Variants in SUCLA2 observed in about 807,000 individuals in gnomAD.
SUCLA2 encodes succinate-CoA ligase ADP-forming subunit beta, also known as succinate--CoA ligase [ADP-forming] subunit beta, mitochondrial.
SUCLA2 carries 30 observed loss-of-function variants against 54.8 expected under a neutral mutation model. That is an observed-to-expected ratio of 0.55 (90% confidence interval 0.41 to 0.74). SUCLA2 has a LOEUF of 0.74. SUCLA2 is among the 30% of genes least tolerant of loss of function. SUCLA2 has a pLI of 0.00. For missense variants in SUCLA2, 476 were observed against 562.9 expected, an observed-to-expected ratio of 0.85 and a Z score of 1.56; for synonymous variants, 172 against 188.9, an observed-to-expected ratio of 0.91 and a Z score of 0.74.
Position 47,968,619 on chromosome 13 carries a change from T to C in SUCLA2, c.778A>G (p.Met260Val). ...CCAGCTCCATCTGAATCTTCCACCA[T>C]TGGATTTATTTCTATCATGGTTGCA... ...YDATMIEINP[M>V]VEDSDGAVLC... The change falls in exon 6 of 11, where the codon ATG becomes GTG. Residue 260 changes from methionine to valine, a missense_variant. Met to Val is a conservative substitution (Grantham distance 21). Around this residue, in one of 2 missense-constraint regions of SUCLA2, gnomAD observed 342 missense variants for 444.2 expected, o/e 0.77. Coordinates refer to ENST00000646932, the MANE Select transcript of SUCLA2 (RefSeq NM_003850.3). 1 of 1,611,764 alleles carries C rather than the reference T, an allele frequency of 6.2e-7. No homozygotes were observed. Among genetic ancestry groups the C allele is most frequent in the Non-Finnish European group, 8.5e-7 (1 of 1,179,750 alleles).
chr13:47,998,296 T>TAAAAAAAAAAAAAAAAAAAAAAA (rs58573331), intron 1 of SUCLA2, among the ~76,000 whole-genome samples: 3 of 136,186 alleles, frequency 2.2e-5, no homozygotes, highest in Non-Finnish European at 3.1e-5. Flanking sequence ...ATAAATAAGT[T>TAAAAAAAAAAAAAAAAAAAAAAA]AAAAAAAAAA....
intron 2 of SUCLA2, among the ~76,000 whole-genome samples, chr13:47,996,459 T>TA (rs1566093792): frequency 1.3e-5 from 2 of 152,044 alleles, no homozygotes; most frequent in Non-Finnish European, 2.9e-5. Context: ...GACCTCTCCT[T>TA]ATAAGCACAT....
At chr13:47,986,142 T>C (rs1481936226) in intron 4 of SUCLA2, among the ~76,000 whole-genome samples, 1 of 149,040 alleles carries the variant, frequency 6.7e-6, no homozygotes, top group African/African-American at 2.5e-5. Context: ...GCCATTCTCC[T>C]GCCTCAGCCT....
At chr13:47,946,947 T>C (rs1339715399) in intron 10 of SUCLA2, among the ~76,000 whole-genome samples, 1 of 152,118 alleles carries the variant, frequency 6.6e-6, no homozygotes, top group African/African-American at 2.4e-5. Context: ...TTCTCAGACT[T>C]GCCACTTAAA....
intron 4 of SUCLA2, among the ~76,000 whole-genome samples, chr13:47,982,187 G>C (rs1362159390): frequency 6.6e-6 from 1 of 152,132 alleles, no homozygotes; most frequent in African/African-American, 2.4e-5. Context: ...GCCAAGAGAT[G>C]AAAGCAATCT....
At chr13:47,966,227 A>G (rs571414982) in intron 6 of SUCLA2, among the ~76,000 whole-genome samples, 1 of 152,300 alleles carries the variant, frequency 6.6e-6, no homozygotes, top group East Asian at 1.9e-4. Context: ...AATGTTGACT[A>G]AAGTGTATTT....
At chr13:47,954,683 T>G (rs1041225665) in intron 6 of SUCLA2, 126 bp from the exon 7 acceptor site, 9 of 1,033,702 alleles carry the variant, frequency 8.7e-6, no homozygotes, top group Non-Finnish European at 1.3e-5. Context: ...TGAAAATATT[T>G]CAATTTATGT....
chr13:47,979,429 T>C (rs1042556607), intron 4 of SUCLA2, among the ~76,000 whole-genome samples: 7 of 151,114 alleles, frequency 4.6e-5, no homozygotes, highest in African/African-American at 1.7e-4. Context: ...TAAGTGGGAG[T>C]TGAACAATGA....
At chr13:47,964,568 C>T (rs1387327567) in intron 6 of SUCLA2, among the ~76,000 whole-genome samples, 1 of 152,130 alleles carries the variant, frequency 6.6e-6, no homozygotes, top group African/African-American at 2.4e-5. Flanking sequence ...AATAAGATGT[C>T]ATCATTGGGC....
chr13:47,968,507 T>TA, intron 6 of SUCLA2, 88 bp downstream of exon 6: 2 of 1,494,150 alleles, frequency 1.3e-6, no homozygotes, highest in Non-Finnish European at 1.8e-6. Context: ...GAAGTTTAAC[T>TA]ACTTTAACTT....
At chr13:47,994,567 CAA>C (rs777506622) in intron 2 of SUCLA2, among the ~76,000 whole-genome samples, 2 of 44,848 alleles carry the variant, frequency 4.5e-5, no homozygotes, top group African/African-American at 7.8e-5. Context: ...GACTCCGTCT[CAA>C]AAAAAAAAAA....
intron 6 of SUCLA2, among the ~76,000 whole-genome samples, chr13:47,960,790 A>G (rs145134413): frequency 6.6e-6 from 1 of 152,304 alleles, no homozygotes; most frequent in East Asian, 1.9e-4. Flanking sequence ...TGTAAACAGA[A>G]TATGTGCAGG....
intron 6 of SUCLA2, among the ~76,000 whole-genome samples, chr13:47,960,010 T>C (rs1309661699): frequency 6.6e-6 from 1 of 152,116 alleles, no homozygotes; most frequent in East Asian, 1.9e-4. Context: ...TGTATGGTGA[T>C]ATTGGTGGAC....
At chr13:47,995,343 G>A (rs1950183144) in intron 2 of SUCLA2, among the ~76,000 whole-genome samples, 1 of 152,104 alleles carries the variant, frequency 6.6e-6, no homozygotes, top group Non-Finnish European at 1.5e-5. Context: ...CAATTAGTAT[G>A]AACTTATACA....
rs913770136 is a variant in SUCLA2, at chr13:47,952,759, T to C, written c.1107+1381A>G. Among the ~76,000 whole-genome samples, 7 of 152,296 alleles carry C rather than the reference T, an allele frequency of 4.6e-5. No individual in the cohort carries two copies. The South Asian group carries it at 6.2e-4, about 14-fold the overall frequency. On this transcript the variant is annotated intron_variant, in intron 8 of 10. Coordinates refer to ENST00000646932, the MANE Select transcript of SUCLA2 (RefSeq NM_003850.3). ...AGTTAAAATCCAAACTCCTTAACTA[T>C]AGATAATAGGGATCTTCACAAATGT... is the stretch of plus-strand genomic sequence containing the variant.
At chr13:47,948,837 CATA>C (rs1213048700) in intron 10 of SUCLA2, 100 bp downstream of exon 10, 1 of 1,096,838 alleles carries the variant, frequency 9.1e-7, no homozygotes, top group Non-Finnish European at 1.4e-6. Context: ...TCATTACACT[CATA>C]ATATTTAGCT....
intron 6 of SUCLA2, among the ~76,000 whole-genome samples, chr13:47,957,637 TAAAGA>T (rs1347478447): frequency 6.6e-6 from 1 of 152,216 alleles, no homozygotes; most frequent in African/African-American, 2.4e-5. Flanking sequence ...GGGAAATCTT[TAAAGA>T]ATTTTCATTT....
rs79725473 is a variant in SUCLA2 at position 47,982,446 on chromosome 13, G to C, written c.534+6095C>G. On this transcript the variant is annotated intron_variant, in intron 4 of 10. Transcript: ENST00000646932. Reference sequence around the variant, plus strand: ...GAAGTGGGAGAGGGAAAAGGGAGCTGTTCAATGAATAGTTTTAATTTTGTA... The same window carrying C: ...GAAGTGGGAGAGGGAAAAGGGAGCTCTTCAATGAATAGTTTTAATTTTGTA... Among the ~76,000 whole-genome samples the C allele has an allele frequency of 6.0e-3, 916 of 151,646 alleles. 8 individuals are homozygous for C. Among genetic ancestry groups the C allele is most frequent in the African/African-American group, 0.021 (879 of 41,280 alleles).
At chr13:47,994,217 T>C (rs1276376884) in intron 2 of SUCLA2, among the ~76,000 whole-genome samples, 1 of 152,054 alleles carries the variant, frequency 6.6e-6, no homozygotes. Flanking sequence ...TCCCTCATTC[T>C]ACACCTTGTG....
Sources: allele counts gnomAD v4.1 joint callset (sites outside exome capture counted in the v4.1 genomes callset), GRCh38; gene constraint gnomAD v4.1.1; regional missense constraint gnomAD v4.1.1; transcripts MANE v1.5; gene names NCBI Gene and HGNC (gene_info 2026-07-23, HGNC 2026-07-21).